The following SEMA3C variants were observed in gnomAD, a reference collection of about 807,000 sequenced individuals.
SEMA3C encodes the protein semaphorin-3C.
Under a neutral mutation model 89.4 loss-of-function variants are expected in SEMA3C, and 47 were observed. The observed-to-expected ratio is 0.53, with a 90% CI of 0.42 to 0.67. The LOEUF is 0.67. SEMA3C is among the 30% of genes least tolerant of loss of function. The pLI is 0.00. For missense variants in SEMA3C, 839 were observed against 929.1 expected, an observed-to-expected ratio of 0.90 and a Z score of 1.26; for synonymous variants, 310 against 320.2, an observed-to-expected ratio of 0.97 and a Z score of 0.34.
intron 2 of SEMA3C, among the ~76,000 whole-genome samples, chr7:80,897,285 A>C (rs1791762145): frequency 6.6e-6 from 1 of 152,170 alleles, no homozygotes; most frequent in Non-Finnish European, 1.5e-5. Flanking sequence ...TAAAACCATA[A>C]AACACTAAGA....
intron 2 of SEMA3C, among the ~76,000 whole-genome samples, chr7:80,858,719 A>C (rs1212402474): frequency 3.0e-4 from 45 of 152,224 alleles, no homozygotes; most frequent in Admixed American, 2.9e-3. Context: ...TATCAGGTTG[A>C]GTCATTCAAA....
chr7:80,786,341 C>A (rs1788801110), intron 12 of SEMA3C, among the ~76,000 whole-genome samples: 1 of 151,288 alleles, frequency 6.6e-6, no homozygotes, highest in African/African-American at 2.4e-5. Flanking sequence ...AAATTCCACC[C>A]ATGAACTCTA....
At chr7:80,871,217 G>C (rs1791050294) in intron 2 of SEMA3C, among the ~76,000 whole-genome samples, 1 of 152,192 alleles carries the variant, frequency 6.6e-6, no homozygotes, top group Non-Finnish European at 1.5e-5. Flanking sequence ...GAGCGAGTAG[G>C]AGAGTTGGTA....
chr7:80,810,657 T>A lies in SEMA3C; in HGVS notation c.492A>T (p.Gly164=), dbSNP rs1789447117. The A allele has an allele frequency of 1.2e-6, 2 of 1,613,878 alleles. No homozygotes were observed. Among genetic ancestry groups the A allele is most frequent in the African/African-American group, 2.7e-5 (2 of 75,050 alleles). Residue 164 remains glycine, a synonymous_variant, in exon 6 of 18, where the codon GGA becomes GGT. Coordinates refer to ENST00000265361, the MANE Select transcript of SEMA3C (RefSeq NM_006379.5). ...MIDSKCESGK[G]RCSFNPNVNT... ...TCACGTTGGGGTTGAAAGAGCAGCG[T>A]CCTTTTCCAGATTCACACTTGGAGT...
In SEMA3C at chr7:80,851,737, G is replaced by A. The variant is rs749182028; in HGVS notation, c.104-22992C>T. Among the ~76,000 whole-genome samples the A allele has an allele frequency of 1.6e-4, 24 of 151,806 alleles. No individual in the cohort carries two copies. In the Middle Eastern group the frequency reaches 0.014, roughly 86 times the overall value. On this transcript the variant is annotated intron_variant, in intron 2 of 17. Coordinates refer to ENST00000265361, the MANE Select transcript of SEMA3C (RefSeq NM_006379.5). The stretch of plus-strand genomic sequence containing the variant: ...AATGGTATCATAACACGTAGACAGC[G>A]ATAGGCAGTCACAGCACAAAATGGC...
At chr7:80,833,258 C>A (rs1372617477) in intron 2 of SEMA3C, among the ~76,000 whole-genome samples, 2 of 152,026 alleles carry the variant, frequency 1.3e-5, no homozygotes, top group Non-Finnish European at 2.9e-5. Flanking sequence ...CATGGTGAAA[C>A]CCCATCTCTA....
At chr7:80,855,503 C>G (rs1231622710) in intron 2 of SEMA3C, among the ~76,000 whole-genome samples, 1 of 152,068 alleles carries the variant, frequency 6.6e-6, no homozygotes, top group Non-Finnish European at 1.5e-5. Flanking sequence ...CTCTTGAATT[C>G]AAGCAATCCT....
At chr7:80,814,231 G>A (rs1341191624) in intron 5 of SEMA3C, among the ~76,000 whole-genome samples, 1 of 151,990 alleles carries the variant, frequency 6.6e-6, no homozygotes, top group African/African-American at 2.4e-5. Context: ...TGGGACTACA[G>A]GTACCTGCCA....
chr7:80,859,119 T>C (rs1417857829), intron 2 of SEMA3C, among the ~76,000 whole-genome samples: 1 of 151,656 alleles, frequency 6.6e-6, no homozygotes, highest in African/African-American at 2.4e-5. Flanking sequence ...AAAAATAAAG[T>C]GGTGAAAACT....
chr7:80,828,472 C>T (rs1355713863), intron 3 of SEMA3C, 113 bp downstream of exon 3: 1 of 805,702 alleles, frequency 1.2e-6, no homozygotes, highest in Admixed American at 2.9e-5. Flanking sequence ...TAACATGGGA[C>T]CAGTATTTTC....
At chr7:80,892,811 G>C (rs1562973013) in intron 2 of SEMA3C, among the ~76,000 whole-genome samples, 1 of 152,012 alleles carries the variant, frequency 6.6e-6, no homozygotes, top group African/African-American at 2.4e-5. Context: ...TGGAACATGT[G>C]GTTGTATTTG....
intron 2 of SEMA3C, among the ~76,000 whole-genome samples, chr7:80,858,264 C>T (rs1790688310): frequency 1.3e-5 from 2 of 152,090 alleles, no homozygotes; most frequent in Non-Finnish European, 2.9e-5. Flanking sequence ...AAAATGCATA[C>T]TTTAAAAAAT....
chr7:80,795,504 T>A (rs1056763582), intron 11 of SEMA3C, among the ~76,000 whole-genome samples: 2 of 152,196 alleles, frequency 1.3e-5, no homozygotes, highest in African/African-American at 2.4e-5. Context: ...TGTGTGTTGC[T>A]AACCCTGGCT....
intron 17 of SEMA3C, 84 bp downstream of exon 17, chr7:80,748,814 C>A: frequency 7.3e-7 from 1 of 1,374,642 alleles, no homozygotes. Flanking sequence ...TTCCTTTTTC[C>A]TTTGATCTGA....
upstream of SEMA3C, chr7:80,919,325 T>C (rs568875277): frequency 9.2e-5 from 91 of 985,248 alleles, 1 homozygote; most frequent in South Asian, 1.3e-3. Flanking sequence ...GAGCCCTAGC[T>C]CCGCAACCCT....
Position 80,805,651 on chromosome 7 carries a change from T to C in SEMA3C, c.646A>G (p.Lys216Glu), listed in dbSNP as rs747194320. 1 of 1,599,188 alleles carries C rather than the reference T, an allele frequency of 6.3e-7. No individual in the cohort carries two copies. The highest frequency in any genetic ancestry group is 1.7e-5 in the Admixed American group (1 of 57,802). Reference sequence around the variant, plus strand: ...AATGCTTTCTTACCACTTAGCCATTTGGAATTATGTTGATCAGTTCTGACC... The same window carrying C: ...AATGCTTTCTTACCACTTAGCCATTCGGAATTATGTTGATCAGTTCTGACC... Reference protein sequence around the residue: ...NAVRTDQHNSKWLSEPMFVDA... With the variant: ...NAVRTDQHNSEWLSEPMFVDA... Residue 216 changes from lysine to glutamate, a missense_variant, in exon 7 of 18, where the codon AAA (lysine) becomes GAA (glutamate). By Grantham distance (56) the Lys-to-Glu change is moderately conservative (BLOSUM62 1). Coordinates refer to ENST00000265361, the MANE Select transcript of SEMA3C (RefSeq NM_006379.5).
chr7:80,895,008 CTG>C (rs1791700114), intron 2 of SEMA3C, among the ~76,000 whole-genome samples: 1 of 152,144 alleles, frequency 6.6e-6, no homozygotes, highest in Admixed American at 6.5e-5. Flanking sequence ...AGAAATAACA[CTG>C]TAAAATAAAA....
chr7:80,783,130 AT>A (rs1396958633), intron 12 of SEMA3C, among the ~76,000 whole-genome samples: 1 of 152,152 alleles, frequency 6.6e-6, no homozygotes, highest in African/African-American at 2.4e-5. Flanking sequence ...TTAAAGAAAA[AT>A]AATGCTGCTT....
chr7:80,754,032 G>C (rs1164756151), intron 15 of SEMA3C, among the ~76,000 whole-genome samples: 3 of 152,164 alleles, frequency 2.0e-5, no homozygotes, highest in African/African-American at 7.2e-5. Flanking sequence ...CCGCCTCCCA[G>C]GTTCAAGCGA....
Sources: gnomAD v4.1 joint callset for allele counts (sites outside exome capture counted in the v4.1 genomes callset) on GRCh38, gnomAD v4.1.1 for gene constraint, MANE v1.5 for transcripts, NCBI Gene and HGNC (gene_info 2026-07-23, HGNC 2026-07-21) for gene names.